GBP7: variants seen among roughly 807,000 people sequenced by gnomAD.
GBP7 encodes guanylate-binding protein 7.
In GBP7, 43 loss-of-function variants were observed where a neutral mutation model predicts 61.3. The observed-to-expected ratio is 0.70, with a 90% confidence interval of 0.55 to 0.91. GBP7 has a LOEUF of 0.91. GBP7 is among the 40% of genes least tolerant of loss of function. GBP7 has a pLI of 0.00. For missense variants in GBP7, 717 were observed against 740.5 expected (o/e 0.97, Z 0.37); for synonymous variants, 267 against 271.0 (o/e 0.99, Z 0.14).
At chr1:89,157,723 AC>A (rs1682348285) in intron 3 of GBP7, among the ~76,000 whole-genome samples, 1 of 151,556 alleles carries the variant, frequency 6.6e-6, no homozygotes, top group Admixed American at 6.6e-5. Flanking sequence ...TAGCCTCCCA[AC>A]CAAAAAAAAA....
At chr1:89,168,868 C>T (rs1647517355) in intron 2 of GBP7, among the ~76,000 whole-genome samples, 1 of 152,124 alleles carries the variant, frequency 6.6e-6, no homozygotes, top group Admixed American at 6.5e-5. Flanking sequence ...ACTCAGAAGG[C>T]TGAGGCAGGA....
chr1:89,148,663 G>A (rs1370780862), intron 7 of GBP7, among the ~76,000 whole-genome samples: 1 of 152,092 alleles, frequency 6.6e-6, no homozygotes, highest in African/African-American at 2.4e-5. Flanking sequence ...ATGGAGAGAG[G>A]TTCCCCTGAG....
chr1:89,135,052 C>A lies in GBP7; in HGVS notation c.1469-1601G>T, dbSNP rs371661920. Among the ~76,000 whole-genome samples, 56 of 152,148 alleles carry A rather than the reference C, an allele frequency of 3.7e-4. 6 individuals carry two copies. The highest frequency in any genetic ancestry group is 9.2e-4 in the Admixed American group (14 of 15,294). ...AACATGCTACAAGAATTTCATAATA[C>A]AATCAGAGTATTAAATGTAGAATAG... On this transcript the variant is annotated intron_variant, in intron 9 of 10. Transcript: ENST00000294671.
intron 3 of GBP7, among the ~76,000 whole-genome samples, chr1:89,163,603 C>T (rs1440211839): frequency 6.6e-6 from 1 of 151,870 alleles, no homozygotes; most frequent in South Asian, 2.1e-4. Context: ...GGTAACCATC[C>T]CCCTGTCGTT....
intron 9 of GBP7, among the ~76,000 whole-genome samples, chr1:89,141,194 A>G (rs1240947796): frequency 6.6e-6 from 1 of 152,002 alleles, no homozygotes; most frequent in African/African-American, 2.4e-5. Context: ...CTGGACCTAA[A>G]ATAAAAGTTG....
intron 9 of GBP7, among the ~76,000 whole-genome samples, chr1:89,136,076 A>T (rs1277483631): frequency 6.6e-6 from 1 of 152,250 alleles, no homozygotes; most frequent in Non-Finnish European, 1.5e-5. Context: ...TGGGCATTAC[A>T]TAATGATAAA....
At chr1:89,134,795 C>T (rs1681760542) in intron 9 of GBP7, among the ~76,000 whole-genome samples, 1 of 152,182 alleles carries the variant, frequency 6.6e-6, no homozygotes, top group Non-Finnish European at 1.5e-5. Flanking sequence ...CAGAGTGTCT[C>T]TTACCTCCAA....
In GBP7 at chr1:89,150,020, TAC is replaced by T. The variant is rs573762342; in HGVS notation, c.871+308_871+309del. Among the ~76,000 whole-genome samples the T allele has an allele frequency of 9.8e-5, 15 of 152,314 alleles. No individual in the cohort carries two copies. In the South Asian group the frequency reaches 3.1e-3, roughly 32 times the overall value. On this transcript the variant is annotated intron_variant, in intron 6 of 10. Coordinates refer to ENST00000294671, the MANE Select transcript of GBP7 (RefSeq NM_207398.3). ...AAACCCTGTGAGAAGCTCTTTTCTA[TAC>T]AGAGCACTAAAAGACTGCACAGGTA...
chr1:89,133,398 T>G lies in GBP7; in HGVS notation c.1522A>C (p.Lys508Gln), dbSNP rs1166821628. 1.2e-6 allele frequency: 2 copies of G among 1,614,032 alleles called. No individual in the cohort carries two copies. The highest frequency in any genetic ancestry group is 1.7e-6 in the Non-Finnish European group (2 of 1,180,016). The change falls in exon 10 of 11, where the codon AAA becomes CAA. Residue 508 changes from lysine to glutamine, a missense_variant. Transcript: ENST00000294671. ...ATCATTTGCTGCTGTTCCTTCTGTT[T>G]TTGTCTTAGCAGCTCCTGTTCCTTT... is the stretch of plus-strand genomic sequence containing the variant. ...AEKEQELLRQKQKEQQQMMEA... is the reference protein window; with the variant it reads ...AEKEQELLRQQQKEQQQMMEA...
chr1:89,173,679 A>G (rs35037885), intron 1 of GBP7, among the ~76,000 whole-genome samples: 24,206 of 152,158 alleles, frequency 0.16, 2,543 homozygotes, highest in Non-Finnish European at 0.24. Context: ...TAAATTATTC[A>G]TTTGTAAAAC....
intron 2 of GBP7, among the ~76,000 whole-genome samples, chr1:89,171,010 TG>T (rs1245575414): frequency 6.6e-6 from 1 of 152,238 alleles, no homozygotes; most frequent in Non-Finnish European, 1.5e-5. Flanking sequence ...GTCTCCTTTT[TG>T]CCTTTAAAAG....
chr1:89,162,856 G>T (rs1323264350), intron 3 of GBP7, among the ~76,000 whole-genome samples: 2 of 152,162 alleles, frequency 1.3e-5, no homozygotes, highest in Non-Finnish European at 2.9e-5. Flanking sequence ...CAAGAGGAAT[G>T]CTTCCAGCTT....
intron 3 of GBP7, among the ~76,000 whole-genome samples, chr1:89,160,049 A>C (rs1193644139): frequency 6.6e-6 from 1 of 152,234 alleles, no homozygotes; most frequent in African/African-American, 2.4e-5. Flanking sequence ...GGATGAGTTC[A>C]TGTCCTTTGC....
At chr1:89,136,414 T>C (rs1681802218) in intron 9 of GBP7, among the ~76,000 whole-genome samples, 1 of 151,802 alleles carries the variant, frequency 6.6e-6, no homozygotes, top group African/African-American at 2.4e-5. Context: ...TGCTCTGCCA[T>C]AAAGCAATTC....
intron 9 of GBP7, among the ~76,000 whole-genome samples, chr1:89,138,720 A>G (rs1443144089): frequency 2.0e-5 from 3 of 152,166 alleles, no homozygotes; most frequent in Admixed American, 6.5e-5. Flanking sequence ...TTAAAACTAT[A>G]AAACCACCAA....
chr1:89,149,286 G>T lies in GBP7; in HGVS notation c.1152+6C>A, dbSNP rs1570349399. On this transcript the variant is annotated splice_donor_region_variant and intron_variant, in intron 7 of 10. Coordinates refer to ENST00000294671, the MANE Select transcript of GBP7 (RefSeq NM_207398.3). ...AATCAAGAAAAAAAAAAATAACAAA[G>T]ATTACCACAAGCTTCTTCTGAAATT... is the stretch of plus-strand genomic sequence containing the variant. 1 of 1,583,332 alleles carries T rather than the reference G, an allele frequency of 6.3e-7. No individual in the cohort carries two copies. Among genetic ancestry groups the T allele is most frequent in the Non-Finnish European group, 8.6e-7 (1 of 1,163,850 alleles).
chr1:89,132,004 A>C lies in GBP7; in HGVS notation c.*145T>G, dbSNP rs567012911. On this transcript the variant is annotated 3_prime_UTR_variant, in exon 11 of 11. Coordinates refer to ENST00000294671, the MANE Select transcript of GBP7 (RefSeq NM_207398.3). ...TTTCTATTAATTATTACTTTAGTCA[A>C]AATTAAGTTTGTTTTTATGAACTTC... 1.8e-6 allele frequency: 1 copy of C among 541,758 alleles called. No homozygotes were observed. The highest frequency in any genetic ancestry group is 3.1e-5 in the East Asian group (1 of 32,172). 33.6% of individuals were successfully genotyped at this position (541,758 alleles called of 1,614,324 possible).
chr1:89,154,665 T>C (rs1682273304), intron 3 of GBP7, among the ~76,000 whole-genome samples: 1 of 151,508 alleles, frequency 6.6e-6, no homozygotes, highest in Admixed American at 6.6e-5. Flanking sequence ...CCTTTTTTTT[T>C]TTTTAACTTT....
chr1:89,138,500 A>C (rs370045465), intron 9 of GBP7, among the ~76,000 whole-genome samples: 32 of 152,034 alleles, frequency 2.1e-4, no homozygotes, highest in African/African-American at 7.5e-4. Context: ...CAAATGGAAA[A>C]GTTTAAAGAA....
Sources: allele counts gnomAD v4.1 joint callset (sites outside exome capture counted in the v4.1 genomes callset), GRCh38; gene constraint gnomAD v4.1.1; transcripts MANE v1.5; gene names NCBI Gene and HGNC (gene_info 2026-07-23, HGNC 2026-07-21).